The following EYS variants were observed in gnomAD, a reference collection of about 807,000 sequenced individuals.
EYS encodes protein eyes shut homolog.
A neutral mutation model predicts 282.1 loss-of-function variants in EYS; 250 were observed. The ratio of observed to expected loss-of-function variants is 0.89; its 90% CI spans 0.80 to 0.98. The LOEUF is 0.98. Ranked by LOEUF, EYS falls within the 50% of genes least tolerant of loss-of-function variation. The probability of loss-of-function intolerance (pLI) is 0.00; values close to 1 mark genes in which losing one functional copy is unlikely to be tolerated. For missense variants in EYS, 4,016 were observed against 3,709.0 expected (o/e 1.08, Z -2.15); for synonymous variants, 1,355 against 1,282.9 (o/e 1.06, Z -1.20).
intron 2 of EYS, among the ~76,000 whole-genome samples, chr6:65,582,313 C>T (rs1764903120): frequency 6.6e-6 from 1 of 151,970 alleles, no homozygotes; most frequent in African/African-American, 2.4e-5. Flanking sequence ...ATAGGGAATA[C>T]TTTATATTAC....
intron 30 of EYS, among the ~76,000 whole-genome samples, chr6:64,247,348 G>T (rs1767053511): frequency 6.6e-6 from 1 of 152,150 alleles, no homozygotes. Context: ...AGCCTCACAA[G>T]GAGGAAGGAA....
At chr6:65,411,684 A>G (rs138225289) in intron 5 of EYS, among the ~76,000 whole-genome samples, 118 of 152,114 alleles carry the variant, frequency 7.8e-4, no homozygotes, top group African/African-American at 2.6e-3. Flanking sequence ...CTCCATCTCT[A>G]TAGTTGAACT....
intron 31 of EYS, among the ~76,000 whole-genome samples, chr6:64,168,143 C>T (rs1764353230): frequency 6.6e-6 from 1 of 152,168 alleles, no homozygotes; most frequent in African/African-American, 2.4e-5. Flanking sequence ...GGCCTGTAGT[C>T]CCAGCTACTC....
chr6:63,743,705 T>C (rs1366895890), intron 41 of EYS, among the ~76,000 whole-genome samples: 1 of 152,114 alleles, frequency 6.6e-6, no homozygotes, highest in African/African-American at 2.4e-5. Flanking sequence ...GAGACTACAA[T>C]TAAAGATACT....
chr6:64,603,198 G>A (rs1341671450), intron 24 of EYS, among the ~76,000 whole-genome samples: 1 of 151,902 alleles, frequency 6.6e-6, no homozygotes, highest in African/African-American at 2.4e-5. Flanking sequence ...GTGCTTACAG[G>A]ACAAAATAAT....
chr6:64,100,497 AT>A (rs904350568), intron 31 of EYS, among the ~76,000 whole-genome samples: 28 of 147,122 alleles, frequency 1.9e-4, no homozygotes, highest in African/African-American at 4.7e-4. Flanking sequence ...GCTGCTGTTT[AT>A]TTTTTTTTTC....
chr6:64,035,540 T>A (rs1043934397), intron 33 of EYS, among the ~76,000 whole-genome samples: 12 of 152,176 alleles, frequency 7.9e-5, no homozygotes, highest in Non-Finnish European at 1.3e-4. Context: ...CTAGGTTATG[T>A]TTAGTTTCAC....
intron 26 of EYS, among the ~76,000 whole-genome samples, chr6:64,480,825 G>A (rs1468448205): frequency 6.6e-6 from 1 of 151,602 alleles, no homozygotes; most frequent in Non-Finnish European, 1.5e-5. Context: ...TCAACTATAA[G>A]CTACAACATA....
chr6:64,029,250 AC>A (rs1343289002), intron 33 of EYS, among the ~76,000 whole-genome samples: 3 of 152,192 alleles, frequency 2.0e-5, no homozygotes, highest in Non-Finnish European at 4.4e-5. Flanking sequence ...CCTTACTCAG[AC>A]TTGTGGGACA....
At chr6:64,678,673 C>G (rs1769782795) in intron 22 of EYS, among the ~76,000 whole-genome samples, 1 of 151,964 alleles carries the variant, frequency 6.6e-6, no homozygotes, top group African/African-American at 2.4e-5. Context: ...TAGTTTGTTT[C>G]CAATTTCACA....
intron 40 of EYS, among the ~76,000 whole-genome samples, chr6:63,768,080 C>T (rs1562017077): frequency 6.7e-6 from 1 of 150,074 alleles, no homozygotes; most frequent in Non-Finnish European, 1.5e-5. Flanking sequence ...AAAATTAACT[C>T]AATATGGACT....
chr6:64,686,034 T>A (rs9345376), intron 22 of EYS, among the ~76,000 whole-genome samples: 11 of 151,450 alleles, frequency 7.3e-5, no homozygotes, highest in Non-Finnish European at 1.5e-4. Flanking sequence ...CACAATGCAC[T>A]TCTAACTCAC....
chr6:64,328,242 C>A (rs1405476421), intron 29 of EYS, among the ~76,000 whole-genome samples: 1 of 152,136 alleles, frequency 6.6e-6, no homozygotes, highest in Non-Finnish European at 1.5e-5. Context: ...AGAAGAGCAC[C>A]ATAGAGTTAT....
At chr6:64,826,044 G>A (rs1385903708) in intron 19 of EYS, among the ~76,000 whole-genome samples, 3 of 151,728 alleles carry the variant, frequency 2.0e-5, no homozygotes, top group Non-Finnish European at 4.4e-5. Context: ...CAAAGCCTTG[G>A]CTAAAGTCTC....
intron 31 of EYS, among the ~76,000 whole-genome samples, chr6:64,197,179 A>G (rs1423604170): frequency 6.6e-6 from 1 of 152,136 alleles, no homozygotes; most frequent in Admixed American, 6.6e-5. Flanking sequence ...AAAACCTATA[A>G]AGACTAGAAG....
chr6:64,770,532 T>A (rs1284315199), intron 22 of EYS, among the ~76,000 whole-genome samples: 1 of 152,050 alleles, frequency 6.6e-6, no homozygotes, highest in Admixed American at 6.6e-5. Context: ...ATAGAAATTG[T>A]AGACATATTG....
In EYS at chr6:65,610,475, T is replaced by TAG. The variant is rs1487907492; in HGVS notation, c.-333+29302_-333+29303insCT. Among the ~76,000 whole-genome samples, 7 of 152,230 alleles carry TAG rather than the reference T, an allele frequency of 4.6e-5. No individual in the cohort carries two copies. The East Asian group carries it at 9.7e-4, about 21-fold the overall frequency. ...TTTTTATGTTTATATTTTCCTATTA[T>TAG]GATACTTTTAGGTTTCTGGAGCTGC... On this transcript the variant is annotated intron_variant, in intron 2 of 42. Transcript: ENST00000503581.
intron 31 of EYS, among the ~76,000 whole-genome samples, chr6:64,212,316 G>A (rs1765803875): frequency 6.6e-6 from 1 of 151,708 alleles, no homozygotes; most frequent in African/African-American, 2.4e-5. Context: ...TAGATGACAA[G>A]CTATATAATT....
At chr6:64,263,767 A>T (rs1274344314) in intron 30 of EYS, among the ~76,000 whole-genome samples, 1 of 152,138 alleles carries the variant, frequency 6.6e-6, no homozygotes, top group Non-Finnish European at 1.5e-5. Context: ...TTAAATGTAG[A>T]TCCAGAAGGT....
Sources: allele counts gnomAD v4.1 joint callset (sites outside exome capture counted in the v4.1 genomes callset), GRCh38; gene constraint gnomAD v4.1.1; transcripts MANE v1.5; gene names NCBI Gene and HGNC (gene_info 2026-07-23, HGNC 2026-07-21).